The following NAV3 variants were observed in gnomAD, a reference collection of about 807,000 sequenced individuals.
NAV3 encodes the protein pore membrane and/or filament interacting like protein 1.
A neutral mutation model predicts 244.7 loss-of-function variants in NAV3; 87 were observed. The ratio of observed to expected loss-of-function variants is 0.36; its 90% CI spans 0.30 to 0.42. The LOEUF (loss-of-function observed/expected upper bound fraction) is 0.42. NAV3 is among the 20% of genes least tolerant of loss of function. The probability of loss-of-function intolerance (pLI) is 1.00; values close to 1 mark genes in which losing one functional copy is unlikely to be tolerated. For missense variants in NAV3, 2,663 were observed against 2,893.3 expected (o/e 0.92, Z 1.83); for synonymous variants, 1,126 against 1,042.2 (o/e 1.08, Z -1.55).
chr12:77,907,379 T>C (rs1886100583), intron 1 of NAV3, among the ~76,000 whole-genome samples: 1 of 152,150 alleles, frequency 6.6e-6, no homozygotes, highest in South Asian at 2.1e-4. Flanking sequence ...AAGTAGTTTC[T>C]AGTTGCCTCC....
chr12:77,682,000 A>G (rs75954243), intron 2 of NAV3, among the ~76,000 whole-genome samples: 5,062 of 152,260 alleles, frequency 0.033, 165 homozygotes, highest in Middle Eastern at 0.037. Flanking sequence ...GACACTTAAA[A>G]TCTGCTCTGG....
At chr12:77,778,350 C>T (rs2135904876) in intron 2 of NAV3, among the ~76,000 whole-genome samples, 1 of 151,668 alleles carries the variant, frequency 6.6e-6, no homozygotes, top group Middle Eastern at 3.4e-3. Flanking sequence ...CGGTGGCTCA[C>T]TCCTGTAATC....
chr12:77,872,670 G>A lies in NAV3; in HGVS notation c.243+40966G>A, dbSNP rs112026228. ...TGAGAAAAATGCATTAAGGCTTTTG[G>A]CATCACATTATTTTATTTAAATCAT... is the stretch of plus-strand genomic sequence containing the variant. On this transcript the variant is annotated intron_variant, in intron 1 of 39. Transcript: ENST00000397909. Among the ~76,000 whole-genome samples, 372 of 152,220 alleles carry A rather than the reference G, an allele frequency of 2.4e-3. 2 individuals carry two copies. The highest frequency in any genetic ancestry group is 8.6e-3 in the African/African-American group (357 of 41,544).
rs78855105 is a variant in NAV3, at chr12:77,645,733, C to A, written c.72+73467C>A. ...ATTTTGTGGTCATATCAAGTAATGT[C>A]TCATTTACCTAGGTTATTTGCAAGA... On this transcript the variant is annotated intron_variant, in intron 2 of 8. Transcript: ENST00000550042. Among the ~76,000 whole-genome samples, 18 of 152,048 alleles carry A rather than the reference C, an allele frequency of 1.2e-4. No individual in the cohort carries two copies. In the East Asian group the frequency reaches 3.5e-3, roughly 29 times the overall value.
upstream of NAV3, among the ~76,000 whole-genome samples, chr12:77,828,728 A>G (rs1873278973): frequency 6.6e-6 from 1 of 152,204 alleles, no homozygotes; most frequent in Non-Finnish European, 1.5e-5. Flanking sequence ...AGTGGCTACT[A>G]ATACCATCTT....
At chr12:77,751,172 A>G (rs187204633) in intron 2 of NAV3, among the ~76,000 whole-genome samples, 49 of 152,322 alleles carry the variant, frequency 3.2e-4, no homozygotes, top group Admixed American at 3.2e-3. Context: ...CAAGGTAAAC[A>G]TACGCTGGAT....
chr12:77,764,067 A>C (rs530793654), intron 2 of NAV3, among the ~76,000 whole-genome samples: 1 of 152,286 alleles, frequency 6.6e-6, no homozygotes, highest in South Asian at 2.1e-4. Flanking sequence ...TCTCTGCCCT[A>C]AGTCATCTTT....
intron 1 of NAV3, among the ~76,000 whole-genome samples, chr12:77,893,821 G>A (rs899281734): frequency 1.3e-5 from 2 of 152,196 alleles, no homozygotes; most frequent in Non-Finnish European, 2.9e-5. Flanking sequence ...ATATCTTCAA[G>A]TTGCTCTAAG....
chr12:78,150,768 G>T (rs1421279884), intron 22 of NAV3, among the ~76,000 whole-genome samples: 1 of 151,518 alleles, frequency 6.6e-6, no homozygotes, highest in Non-Finnish European at 1.5e-5. Flanking sequence ...TTTTAGAAAG[G>T]TTCCTGCAGT....
intron 23 of NAV3, among the ~76,000 whole-genome samples, chr12:78,164,612 T>G (rs1399967304): frequency 2.0e-5 from 3 of 152,046 alleles, no homozygotes; most frequent in African/African-American, 7.2e-5. Flanking sequence ...AATCTAAAAT[T>G]TTCAAATTAT....
rs1278451663 is a variant in NAV3 at position 78,051,007 on chromosome 12, G to A, written c.2376G>A (p.Arg792=). 3 of 1,614,120 alleles carry A rather than the reference G, an allele frequency of 1.9e-6. No individual in the cohort carries two copies. Among genetic ancestry groups the A allele is most frequent in the Middle Eastern group, 1.6e-4 (1 of 6,062 alleles). Residue 792 remains arginine, a synonymous_variant, in exon 11 of 40, where the codon AGG becomes AGA. Transcript: ENST00000397909. ...TTPLRRAAVS[R]LGNMSQIDMS... is the part of the protein sequence containing the mutation. Reference sequence around the variant, plus strand: ...CTCTCCGTCGAGCTGCTGTCTCTAGGCTGGGAAACATGTCACAGATTGACA... The same window carrying A: ...CTCTCCGTCGAGCTGCTGTCTCTAGACTGGGAAACATGTCACAGATTGACA...
At chr12:77,889,604 C>T (rs758506203) in intron 1 of NAV3, among the ~76,000 whole-genome samples, 2 of 152,142 alleles carry the variant, frequency 1.3e-5, no homozygotes, top group Non-Finnish European at 2.9e-5. Flanking sequence ...TTATACTGAA[C>T]TCTATAAGTT....
intron 2 of NAV3, among the ~76,000 whole-genome samples, chr12:77,690,461 C>T (rs188251195): frequency 6.6e-6 from 1 of 151,890 alleles, no homozygotes; most frequent in East Asian, 1.9e-4. Context: ...AATGTTTTGG[C>T]ACTTTGTAAG....
chr12:77,811,441 A>C (rs890342256), intron 2 of NAV3, among the ~76,000 whole-genome samples: 26 of 152,274 alleles, frequency 1.7e-4, no homozygotes, highest in African/African-American at 6.3e-4. Flanking sequence ...GTCTCCGTCA[A>C]ATTATTTGGT....
chr12:78,075,297 G>A (rs890909470), intron 12 of NAV3, among the ~76,000 whole-genome samples: 12 of 152,116 alleles, frequency 7.9e-5, no homozygotes, highest in African/African-American at 2.9e-4. Context: ...TTGGTTGTGT[G>A]GGTCTGGAAA....
intron 1 of NAV3, among the ~76,000 whole-genome samples, chr12:77,893,969 G>T (rs1349551602): frequency 6.6e-6 from 1 of 152,190 alleles, no homozygotes; most frequent in Non-Finnish European, 1.5e-5. Flanking sequence ...TACCAAGGAT[G>T]ACACAGGACA....
intron 12 of NAV3, among the ~76,000 whole-genome samples, chr12:78,084,304 T>C (rs300479): frequency 0.16 from 24,934 of 152,134 alleles, 2,112 homozygotes; most frequent in Non-Finnish European, 0.18. Flanking sequence ...ATGGTTTACA[T>C]TTATATCAGC....
chr12:77,914,214 A>G (rs906139437), intron 1 of NAV3, among the ~76,000 whole-genome samples: 6 of 152,218 alleles, frequency 3.9e-5, no homozygotes, highest in Non-Finnish European at 8.8e-5. Context: ...TCTTTTGCAG[A>G]CTAATACTAT....
chr12:77,623,412 T>G (rs1871469432), intron 2 of NAV3, among the ~76,000 whole-genome samples: 1 of 152,186 alleles, frequency 6.6e-6, no homozygotes, highest in Non-Finnish European at 1.5e-5. Flanking sequence ...TCTTTGGTTT[T>G]GAATTGGTAG....
Sources: allele counts gnomAD v4.1 joint callset (sites outside exome capture counted in the v4.1 genomes callset), GRCh38; gene constraint gnomAD v4.1.1; transcripts MANE v1.5; gene names NCBI Gene and HGNC (gene_info 2026-07-23, HGNC 2026-07-21).